LIPA: variants seen among roughly 807,000 people sequenced by gnomAD.
LIPA encodes the protein lipase A, lysosomal acid type, also known as lysosomal acid lipase/cholesteryl ester hydrolase.
In LIPA, 26 loss-of-function variants were observed where a neutral mutation model predicts 40.6. That is an observed-to-expected ratio of 0.64 (90% CI 0.47 to 0.89). The LOEUF is 0.89. LIPA is among the 40% of genes least tolerant of loss of function. LIPA has a pLI of 0.00. For missense variants in LIPA, 455 were observed against 479.6 expected (o/e 0.95, Z 0.48); for synonymous variants, 188 against 168.4 (o/e 1.12, Z -0.90).
chr10:89,403,361 T>A, intron 2 of LIPA: 1 of 1,613,086 alleles, frequency 6.2e-7, no homozygotes, highest in Non-Finnish European at 8.5e-7. Context: ...CTGAAGAGAA[T>A]TTTCAAAAAT....
chr10:89,305,823 A>C (rs952793576), intron 1 of LIPA: 10 of 654,878 alleles, frequency 1.5e-5, no homozygotes, highest in Non-Finnish European at 2.6e-5. Flanking sequence ...GGAAAAACAT[A>C]TTATAGAAAG....
chr10:89,375,616 A>G (rs906919145), intron 2 of LIPA, among the ~76,000 whole-genome samples: 1 of 152,200 alleles, frequency 6.6e-6, no homozygotes, highest in African/African-American at 2.4e-5. Context: ...GCTCAACCCC[A>G]GATGGAACAA....
At chr10:89,316,916 G>A (rs921046262) in intron 1 of LIPA, among the ~76,000 whole-genome samples, 1 of 152,232 alleles carries the variant, frequency 6.6e-6, no homozygotes, top group Non-Finnish European at 1.5e-5. Context: ...TTGCCTTTCT[G>A]CAGCCTCCAC....
At chr10:89,342,356 G>A (rs1843879622) in intron 1 of LIPA, 2 of 152,252 alleles carry the variant, frequency 1.3e-5, no homozygotes, top group Admixed American at 6.5e-5. Flanking sequence ...CCAGGTCCAG[G>A]GACCTACTTG....
At chr10:89,413,334 T>C (rs1841492299) in intron 1 of LIPA, among the ~76,000 whole-genome samples, 1 of 152,314 alleles carries the variant, frequency 6.6e-6, no homozygotes, top group African/African-American at 2.4e-5. Context: ...ACAGTACAAC[T>C]GTTAGAAGTG....
At chr10:89,258,613 T>G (rs1007131307) in intron 1 of LIPA, among the ~76,000 whole-genome samples, 5 of 152,180 alleles carry the variant, frequency 3.3e-5, no homozygotes, top group Admixed American at 6.5e-5. Context: ...TGTGAAATGG[T>G]GTGGCCACTT....
chr10:89,249,805 A>G (rs1349542374), intron 1 of LIPA, among the ~76,000 whole-genome samples: 1 of 152,224 alleles, frequency 6.6e-6, no homozygotes, highest in African/African-American at 2.4e-5. Flanking sequence ...GGTTCATAAT[A>G]TTGAATGTAC....
chr10:89,398,447 C>A (rs1844376420), intron 2 of LIPA, among the ~76,000 whole-genome samples: 1 of 152,194 alleles, frequency 6.6e-6, no homozygotes, highest in South Asian at 2.1e-4. Context: ...TCTCTGGCCA[C>A]TAGAGCCAGG....
chr10:89,384,888 A>G, intron 2 of LIPA: 1 of 629,048 alleles, frequency 1.6e-6, no homozygotes, highest in Non-Finnish European at 2.7e-6. Flanking sequence ...TGTAGCATGC[A>G]ACTGCAACTT....
chr10:89,240,131 A>C (rs1201701368), intron 3 of LIPA, among the ~76,000 whole-genome samples: 1 of 152,052 alleles, frequency 6.6e-6, no homozygotes, highest in Non-Finnish European at 1.5e-5. Context: ...TTGTCACCTG[A>C]CCCCCAGACA....
intron 1 of LIPA, chr10:89,306,587 C>G (rs373733464): frequency 6.2e-7 from 1 of 1,613,964 alleles, no homozygotes; most frequent in African/African-American, 1.3e-5. Context: ...CAACCAGTAC[C>G]TTAAAGTCCT....
chr10:89,332,113 C>A (rs759476707), intron 1 of LIPA, among the ~76,000 whole-genome samples: 9 of 151,752 alleles, frequency 5.9e-5, no homozygotes, highest in Non-Finnish European at 1.2e-4. Flanking sequence ...CGTCTGTAAT[C>A]CCAGCTACTC....
At chr10:89,381,740 T>C (rs7096890) in intron 2 of LIPA, among the ~76,000 whole-genome samples, 19,834 of 152,100 alleles carry the variant, frequency 0.13, 3,368 homozygotes, top group African/African-American at 0.39. Flanking sequence ...ATTCATTATC[T>C]TGTGAATCCT....
intron 1 of LIPA, among the ~76,000 whole-genome samples, chr10:89,303,501 G>A (rs751826406): frequency 6.6e-6 from 1 of 152,218 alleles, no homozygotes; most frequent in Admixed American, 6.5e-5. Flanking sequence ...CGGGAGAATA[G>A]GTCCTCACAA....
At chr10:89,267,867 G>T (rs1171170531) in intron 1 of LIPA, among the ~76,000 whole-genome samples, 2 of 152,026 alleles carry the variant, frequency 1.3e-5, no homozygotes, top group South Asian at 2.1e-4. Context: ...ACTGGAACCG[G>T]CAAGTATAGT....
Position 89,214,879 on chromosome 10 carries a change from G to A in LIPA, c.1149C>T (p.Ala383=). The change falls in exon 10 of 10, where the codon GCC becomes GCT. Residue 383 remains alanine (A), a synonymous_variant. Coordinates refer to ENST00000336233, the MANE Select transcript of LIPA (RefSeq NM_000235.4). ...EHLDFIWGLD[A]PWRLYNKIIN... is the part of the protein sequence containing the mutation. ...TAATTTTATTATAAAGCCTCCAAGG[G>A]GCATCCAGGCCCCAAATGAAGTCAA... 1 of 1,613,542 alleles carries A rather than the reference G, an allele frequency of 6.2e-7. No homozygotes were observed. The highest frequency in any genetic ancestry group is 8.5e-7 in the Non-Finnish European group (1 of 1,179,572).
intron 1 of LIPA, among the ~76,000 whole-genome samples, chr10:89,328,298 A>G (rs1269516203): frequency 1.3e-5 from 2 of 152,090 alleles, no homozygotes; most frequent in African/African-American, 4.8e-5. Context: ...TCCCTACGGA[A>G]CTACATGGGG....
At chr10:89,377,854 A>G (rs304503) in intron 2 of LIPA, among the ~76,000 whole-genome samples, 26,349 of 152,194 alleles carry the variant, frequency 0.17, 2,979 homozygotes, top group East Asian at 0.46. Flanking sequence ...TGACTCCAGC[A>G]AGGGAATTTG....
intron 2 of LIPA, chr10:89,412,575 C>T: frequency 5.8e-6 from 1 of 171,876 alleles, no homozygotes; most frequent in Non-Finnish European, 1.3e-5. Context: ...TCGCTCTTCG[C>T]AACGAATCTT....
Sources: gnomAD v4.1 joint callset for allele counts (sites outside exome capture counted in the v4.1 genomes callset) on GRCh38, gnomAD v4.1.1 for gene constraint, MANE v1.5 for transcripts, NCBI Gene and HGNC (gene_info 2026-07-23, HGNC 2026-07-21) for gene names.